PLK2: variants seen among roughly 807,000 people sequenced by gnomAD.
PLK2 encodes serine/threonine-protein kinase PLK2.
Under a neutral mutation model 78.1 loss-of-function variants are expected in PLK2, and 25 were observed. That is an observed-to-expected ratio of 0.32 (90% CI 0.23 to 0.45). The LOEUF (loss-of-function observed/expected upper bound fraction) is 0.45. PLK2 is among the 20% of genes least tolerant of loss of function. The pLI is 1.00. For synonymous variants in PLK2, 332 were observed against 298.2 expected, an observed-to-expected ratio of 1.11 and a Z score of -1.17; for missense variants, 566 against 840.2, an observed-to-expected ratio of 0.67 and a Z score of 4.04.
Position 58,458,714 on chromosome 5 carries a change from T to C in PLK2, c.495+11A>G. The stretch of plus-strand genomic sequence containing the variant: ...GTAAGCAAATGTTCTCAAATAGGAG[T>C]TGACACTTACCCTTCTACTGCAGTA... On this transcript the variant is annotated intron_variant, in intron 3 of 13. Transcript: ENST00000274289. The C allele has an allele frequency of 7.2e-7, 1 of 1,391,476 alleles. No individual in the cohort carries two copies. Among genetic ancestry groups the C allele is most frequent in the Non-Finnish European group, 1.0e-6 (1 of 979,612 alleles). 86.2% of individuals were successfully genotyped at this position (1,391,476 alleles called of 1,614,324 possible).
In PLK2 at chr5:58,459,826, G is replaced by A. The variant is rs752655180; in HGVS notation, c.134C>T (p.Pro45Leu). The A allele has an allele frequency of 1.2e-6, 2 of 1,610,294 alleles. No individual in the cohort carries two copies. Among genetic ancestry groups the A allele is most frequent in the African/African-American group, 1.3e-5 (1 of 75,052 alleles). Residue 45 changes from proline (P) to leucine (L), a missense_variant, in exon 1 of 14, where the codon CCT (proline) becomes CTT (leucine). Pro to Leu is a moderately conservative substitution (Grantham distance 98). This residue lies in a region of PLK2 where 127 missense variants were observed against 122.5 expected (regional missense o/e 1.04). Transcript: ENST00000274289. ...CGGGGGCACTTGCGCCTGGGACTGA[G>A]GTGGCTGCGATTCCTCGGGGGGCTG... The part of the protein sequence containing the change: ...PPQPPEESQP[P>L]QSQAQVPPAA...
At position 58,456,602 on chromosome 5, in the gene PLK2, A is replaced by G. The variant is rs1743611604; in HGVS notation, c.1157-13T>C. On this transcript the variant is annotated splice_polypyrimidine_tract_variant and intron_variant, in intron 8 of 13. Coordinates refer to ENST00000274289, the MANE Select transcript of PLK2 (RefSeq NM_006622.4). The stretch of plus-strand genomic sequence containing the variant: ...TTAGACACTCTATCTGTATATCAAG[A>G]AACAGAATTACAAACATTAGTCTAT... 1.4e-6 allele frequency: 2 copies of G among 1,423,188 alleles called. No individual in the cohort carries two copies. Among genetic ancestry groups the G allele is most frequent in the African/African-American group, 1.4e-5 (1 of 70,788 alleles). The allele number at this position is 1,423,188 out of a possible 1,614,324, so 88.2% of individuals were successfully genotyped here. A position where few individuals can be genotyped will look rare whatever the true frequency, so the allele number is the denominator to read the frequency against.
intron 1 of PLK2, chr5:58,459,464 T>C (rs1377257922): frequency 1.9e-5 from 11 of 572,506 alleles, no homozygotes; most frequent in South Asian, 1.2e-4. Flanking sequence ...TGCATTTCTC[T>C]GGGCTGCGGG....
Position 58,458,490 on chromosome 5 carries a change from T to C in PLK2, c.534A>G (p.Thr178=), listed in dbSNP as rs1234422626. 6.2e-7 allele frequency: 1 copy of C among 1,612,316 alleles called. No individual in the cohort carries two copies. Among genetic ancestry groups the C allele is most frequent in the Non-Finnish European group, 8.5e-7 (1 of 1,178,688 alleles). The change falls in exon 4 of 14, where the codon ACA becomes ACG. Residue 178 remains threonine, a synonymous_variant. Coordinates refer to ENST00000274289, the MANE Select transcript of PLK2 (RefSeq NM_006622.4). ...AHILKARKVL[T]EPEVRYYLRQ... ...TGAGGTAGTATCGAACTTCTGGCTC[T>C]GTCAACACCTTTCTTGCTTTCAAAA...
chr5:58,454,858 C>T, intron 13 of PLK2, 53 bp downstream of exon 13: 1 of 1,478,368 alleles, frequency 6.8e-7, no homozygotes, highest in South Asian at 1.1e-5. Flanking sequence ...TGTCTAGGTA[C>T]AAATCTTTCT....
rs1464744968 is a variant in PLK2 at position 58,458,064 on chromosome 5, T to G, written c.713+20A>C. The G allele has an allele frequency of 6.7e-6, 10 of 1,497,194 alleles. No individual in the cohort carries two copies. Among genetic ancestry groups the G allele is most frequent in the Non-Finnish European group, 9.3e-6 (10 of 1,073,376 alleles). The allele number at this position is 1,497,194 out of a possible 1,614,324, so 92.7% of individuals were successfully genotyped here. On this transcript the variant is annotated intron_variant, in intron 5 of 13. Coordinates refer to ENST00000274289, the MANE Select transcript of PLK2 (RefSeq NM_006622.4). ...TGGTCTCCACAAAAGTCTACTAGGA[T>G]GCATCTTTCTGACTCTTACCTCCTT...
chr5:58,454,479 C>T lies in PLK2; in HGVS notation c.*104G>A, dbSNP rs1579962654. 1 of 818,682 alleles carries T rather than the reference C, an allele frequency of 1.2e-6. No homozygotes were observed. The highest frequency in any genetic ancestry group is 2.5e-5 in the East Asian group (1 of 40,188). The allele number at this position is 818,682 out of a possible 1,614,324, so 50.7% of individuals were successfully genotyped here. Reference sequence around the variant, plus strand: ...CCACAGGGGAATTGTTTTCGTACCACCACATGTCCATCTTCTTCAACATAC... The same window carrying T: ...CCACAGGGGAATTGTTTTCGTACCATCACATGTCCATCTTCTTCAACATAC... On this transcript the variant is annotated 3_prime_UTR_variant, in exon 14 of 14. Coordinates refer to ENST00000274289, the MANE Select transcript of PLK2 (RefSeq NM_006622.4).
At chr5:58,456,393 G>T in intron 9 of PLK2, 99 bp downstream of exon 9, 3 of 855,668 alleles carry the variant, frequency 3.5e-6, no homozygotes, top group South Asian at 3.3e-5. Flanking sequence ...AAGTAAATAT[G>T]ACATATTTGA....
At chr5:58,455,061 T>TC in intron 12 of PLK2, 40 bp from the exon 13 acceptor site, 1 of 1,233,284 alleles carries the variant, frequency 8.1e-7, no homozygotes, top group Non-Finnish European at 1.2e-6. Context: ...CCTACAAAGA[T>TC]TTTGTAGCAT....
Position 58,456,940 on chromosome 5 carries a change from C to G in PLK2, c.1156+5G>C. On this transcript the variant is annotated splice_donor_5th_base_variant and intron_variant, in intron 8 of 13. Coordinates refer to ENST00000274289, the MANE Select transcript of PLK2 (RefSeq NM_006622.4). Reference sequence around the variant, plus strand: ...GAAAAAGGAAAAGAAGTCTTGTTAACTTACTATGTGTGTCAATATATCTTG... The same window carrying G: ...GAAAAAGGAAAAGAAGTCTTGTTAAGTTACTATGTGTGTCAATATATCTTG... 1 of 1,569,424 alleles carries G rather than the reference C, an allele frequency of 6.4e-7. No individual in the cohort carries two copies. Among genetic ancestry groups the G allele is most frequent in the Non-Finnish European group, 8.7e-7 (1 of 1,153,456 alleles).
chr5:58,457,370 C>T lies in PLK2; in HGVS notation c.819G>A (p.Met273Ile). The T allele has an allele frequency of 6.2e-7, 1 of 1,611,248 alleles. No homozygotes were observed. The highest frequency in any genetic ancestry group is 8.5e-7 in the Non-Finnish European group (1 of 1,177,314). The change falls in exon 7 of 14, where the codon ATG (methionine) becomes ATA (isoleucine). Residue 273 changes from methionine to isoleucine, a missense_variant. Physicochemically the swap from Met to Ile is conservative, Grantham distance 10 (BLOSUM62 1). Around this residue, in one of 5 missense-constraint regions of PLK2, gnomAD observed 179 missense variants for 342.3 expected, o/e 0.52. Coordinates refer to ENST00000274289, the MANE Select transcript of PLK2 (RefSeq NM_006622.4). ...TTTCAAATGGGGGCCTCCCTAGTAA[C>T]ATTGTATACCTGTGTGCAAAGAAAC... ...IWALGCVMYT[M>I]LLGRPPFETT... is the part of the protein sequence containing the mutation.
In PLK2 at chr5:58,458,909, G is replaced by GA; in HGVS notation, c.379-69_379-68insT. ...CTCGGAAAAGCCAGTGATTACACAT[G>GA]CAGAAGACATTTTCCTAACAGGGAA... On this transcript the variant is annotated intron_variant, in intron 2 of 13. Transcript: ENST00000274289. 1.5e-6 allele frequency: 2 copies of GA among 1,297,748 alleles called. 1 individual carries two copies. Among genetic ancestry groups the GA allele is most frequent in the Non-Finnish European group, 2.2e-6 (2 of 892,760 alleles). 80.4% of individuals were successfully genotyped at this position (1,297,748 alleles called of 1,614,324 possible).
chr5:58,455,666 A>T lies in PLK2; in HGVS notation c.1498T>A (p.Ser500Thr). ...ACCCATTTGGTGACCCACTGAAATG[A>T]TGTGCTCAGCTGCTCTTTGGGAATG... ...DCIPKEQLSTSFQWVTKWVDY... is the reference protein window; with the variant it reads ...DCIPKEQLSTTFQWVTKWVDY... The change falls in exon 11 of 14, where the codon TCA becomes ACA. Residue 500 changes from serine (S) to threonine (T), a missense_variant. Ser to Thr is a moderately conservative substitution (Grantham distance 58, BLOSUM62 1). Coordinates refer to ENST00000274289, the MANE Select transcript of PLK2 (RefSeq NM_006622.4). 6.2e-7 allele frequency: 1 copy of T among 1,614,154 alleles called. No individual in the cohort carries two copies.
At chr5:58,459,186 C>CAA (rs551765629) in intron 1 of PLK2, 94 bp from the exon 2 acceptor site, 95 of 552,388 alleles carry the variant, frequency 1.7e-4, no homozygotes, top group Admixed American at 2.2e-4. Context: ...GAAAGAAAAG[C>CAA]AAAAAAAAAA....
chr5:58,457,414 A>T (rs200483885), intron 6 of PLK2, 35 bp from the exon 7 acceptor site: 8 of 1,581,710 alleles, frequency 5.1e-6, no homozygotes, highest in Non-Finnish European at 6.1e-6. Flanking sequence ...AGCAATGGTC[A>T]TAAAGCAACT....
rs1218772205 is a variant in PLK2 at position 58,458,796 on chromosome 5, C to T, written c.424G>A (p.Val142Ile). The T allele has an allele frequency of 1.2e-6, 2 of 1,607,044 alleles. No homozygotes were observed. Among genetic ancestry groups the T allele is most frequent in the Non-Finnish European group, 1.7e-6 (2 of 1,173,700 alleles). Residue 142 changes from valine to isoleucine, a missense_variant, in exon 3 of 14, where the codon GTA (valine) becomes ATA (isoleucine). Physicochemically the swap from Val to Ile is conservative, Grantham distance 29. Around this residue, in one of 5 missense-constraint regions of PLK2, gnomAD observed 179 missense variants for 342.3 expected, o/e 0.52. Transcript: ENST00000274289. ...ELHRILHHKH[V>I]VQFYHYFEDK... ...TCGAAGTAGTGGTAAAACTGCACTA[C>T]ATGCTTATGATGAAGAATTCTGTGA...
intron 1 of PLK2, 158 bp downstream of exon 1, chr5:58,459,528 GCACA>G: frequency 1.6e-6 from 1 of 617,700 alleles, no homozygotes; most frequent in South Asian, 2.1e-5. Context: ...CGCTGCCGGC[GCACA>G]AAAGCCAGAG....
Position 58,456,583 on chromosome 5 carries a change from A to C in PLK2, c.1163T>G (p.Val388Gly), listed in dbSNP as rs775534892. The C allele has an allele frequency of 1.3e-5, 21 of 1,560,654 alleles. No individual in the cohort carries two copies. In the Admixed American group the frequency reaches 2.7e-4, roughly 20 times the overall value. ...KARYIDTHNR[V>G]SKEDEDIYKL... is the part of the protein sequence containing the mutation. ...GTAGATGTCTTCATCTTCTTTAGACACTCTATCTGTATATCAAGAAACAGA... is the reference window on the plus strand; with the variant it reads ...GTAGATGTCTTCATCTTCTTTAGACCCTCTATCTGTATATCAAGAAACAGA... The change falls in exon 9 of 14, where the codon GTG (valine) becomes GGG (glycine). Residue 388 changes from valine to glycine, a missense_variant. This residue lies in a region of PLK2 where 129 missense variants were observed against 156.0 expected (regional missense o/e 0.83). Transcript: ENST00000274289.
Position 58,455,577 on chromosome 5 carries a change from G to T in PLK2, c.1587C>A (p.Phe529Leu). 1 of 1,614,068 alleles carries T rather than the reference G, an allele frequency of 6.2e-7. No homozygotes were observed. Among genetic ancestry groups the T allele is most frequent in the South Asian group, 1.1e-5 (1 of 91,078 alleles). ...QLSDHTVGVLFNNGAHMSLLP... is the reference protein window; with the variant it reads ...QLSDHTVGVLLNNGAHMSLLP... ...GGAGGCTCATGTGAGCACCATTGTT[G>T]AAAAGGACACCGACGGTGTGGTCTG... The change falls in exon 11 of 14, where the codon TTC becomes TTA. Residue 529 changes from phenylalanine to leucine, a missense_variant. Coordinates refer to ENST00000274289, the MANE Select transcript of PLK2 (RefSeq NM_006622.4).
Sources: allele counts gnomAD v4.1 joint callset, GRCh38; gene constraint gnomAD v4.1.1; regional missense constraint gnomAD v4.1.1; transcripts MANE v1.5; gene names NCBI Gene and HGNC (gene_info 2026-07-23, HGNC 2026-07-21).